The following FBXO3 variants were observed in gnomAD, a reference collection of about 807,000 sequenced individuals.
The protein encoded by FBXO3 is F-box protein 3.
FBXO3 carries 17 observed loss-of-function variants against 64.8 expected under a neutral mutation model. That is an observed-to-expected ratio of 0.26 (90% CI 0.18 to 0.39). The LOEUF is 0.39. Ranked by LOEUF, FBXO3 falls within the 10% of genes least tolerant of loss-of-function variation. The probability of loss-of-function intolerance (pLI) is 1.00; values close to 1 mark genes in which losing one functional copy is unlikely to be tolerated. For synonymous variants in FBXO3, 182 were observed against 201.6 expected (o/e 0.90, Z 0.82); for missense variants, 420 against 589.9 (o/e 0.71, Z 2.98).
rs1855036897 is a variant in FBXO3 at position 33,754,349 on chromosome 11, G to C, written c.724+106C>G. ...GCAAACCTTAAAGAAATCCAAGTAT[G>C]AAATTGCCAGCTGCTAAAGTAGCTG... On this transcript the variant is annotated intron_variant, in intron 6 of 10. Transcript: ENST00000265651. 8.2e-6 allele frequency: 7 copies of C among 852,524 alleles called. No homozygotes were observed. The South Asian group carries it at 1.3e-4, about 16-fold the overall frequency. The allele number at this position is 852,524 out of a possible 1,614,324, so 52.8% of individuals were successfully genotyped here.
At position 33,747,190 on chromosome 11, in the gene FBXO3, A is replaced by G. The variant is rs769799155; in HGVS notation, c.1179T>C (p.Asn393=). The change falls in exon 10 of 11, where the codon AAT becomes AAC. Residue 393 remains asparagine (N), a synonymous_variant. Transcript: ENST00000265651. ...CCATATGGAATCGGGGAATGGCAACATTAAAGATCTTGTCTTTAAAGTAAA... is the reference window on the plus strand; with the variant it reads ...CCATATGGAATCGGGGAATGGCAACGTTAAAGATCTTGTCTTTAAAGTAAA... ...HFLYFKDKIF[N]VAIPRFHMAC... is the part of the protein sequence containing the mutation. 1 of 1,611,020 alleles carries G rather than the reference A, an allele frequency of 6.2e-7. No homozygotes were observed. The highest frequency in any genetic ancestry group is 2.2e-5 in the East Asian group (1 of 44,854).
intron 1 of FBXO3, chr11:33,771,732 G>C (rs2133627532): frequency 6.6e-6 from 1 of 152,304 alleles, no homozygotes; most frequent in Non-Finnish European, 1.5e-5. Flanking sequence ...AGATTTTACA[G>C]AAACATCATC....
chr11:33,759,236 T>G (rs73491051), intron 3 of FBXO3, among the ~76,000 whole-genome samples: 1,590 of 152,086 alleles, frequency 0.01, 36 homozygotes, highest in African/African-American at 0.036. Context: ...GTCACAACGG[T>G]AGGGGAGAGG....
At chr11:33,759,089 T>C (rs1211192096) in intron 3 of FBXO3, among the ~76,000 whole-genome samples, 1 of 152,344 alleles carries the variant, frequency 6.6e-6, no homozygotes, top group South Asian at 2.1e-4. Context: ...TTGCCACATA[T>C]TCTAGCTTTG....
intron 5 of FBXO3, 104 bp from the exon 6 acceptor site, chr11:33,754,604 T>G: frequency 1.0e-6 from 1 of 954,110 alleles, no homozygotes; most frequent in Non-Finnish European, 1.5e-6. Flanking sequence ...CAGATAAAAA[T>G]AAAGTTGAGA....
At chr11:33,764,053 CAT>C (rs1316174607) in intron 3 of FBXO3, among the ~76,000 whole-genome samples, 1 of 152,132 alleles carries the variant, frequency 6.6e-6, no homozygotes, top group South Asian at 2.1e-4. Flanking sequence ...GAAATATACT[CAT>C]AGAGACATCA....
intron 6 of FBXO3, 171 bp downstream of exon 6, chr11:33,754,284 C>A: frequency 9.6e-6 from 5 of 519,098 alleles, no homozygotes. Flanking sequence ...AATACAAAAA[C>A]GGTTCTAATG....
At chr11:33,747,102 A>G (rs56267312) in intron 10 of FBXO3, 28 bp downstream of exon 10, 2 of 1,607,828 alleles carry the variant, frequency 1.2e-6, no homozygotes, top group African/African-American at 1.3e-5. Context: ...AGTCATGTAA[A>G]TCAGCACTAG....
chr11:33,753,137 GTCTC>G (rs1283337242), intron 6 of FBXO3: 1 of 152,182 alleles, frequency 6.6e-6, no homozygotes, highest in Non-Finnish European at 1.5e-5. Flanking sequence ...ATGTGTTGGG[GTCTC>G]TCTGATGGTT....
At chr11:33,751,692 C>T in intron 6 of FBXO3, 85 bp from the exon 7 acceptor site, 1 of 705,736 alleles carries the variant, frequency 1.4e-6, no homozygotes, top group Non-Finnish European at 2.3e-6. Context: ...TTCCTCTATG[C>T]TTTAGAATGT....
At position 33,746,574 on chromosome 11, in the gene FBXO3, A is replaced by T. The variant is rs761858857; in HGVS notation, c.1239+556T>A. The T allele has an allele frequency of 4.5e-6, 3 of 671,356 alleles. 1 individual carries two copies. The South Asian group carries it at 4.8e-5, about 11-fold the overall frequency. 41.6% of individuals were successfully genotyped at this position (671,356 alleles called of 1,614,324 possible). ...ATAATTCATATTTTATCCCCATTGT[A>T]TAACTGGAGCTTCATAACTTTCTTT... On this transcript the variant is annotated intron_variant, in intron 10 of 10. Coordinates refer to ENST00000265651, the MANE Select transcript of FBXO3 (RefSeq NM_012175.4).
At position 33,770,822 on chromosome 11, in the gene FBXO3, T is replaced by A; in HGVS notation, c.113A>T (p.Tyr38Phe). 1 of 1,602,386 alleles carries A rather than the reference T, an allele frequency of 6.2e-7. No homozygotes were observed. The highest frequency in any genetic ancestry group is 1.3e-5 in the African/African-American group (1 of 74,960). Residue 38 changes from tyrosine (Y) to phenylalanine (F), a missense_variant, in exon 2 of 11, where the codon TAT becomes TTT. Coordinates refer to ENST00000265651, the MANE Select transcript of FBXO3 (RefSeq NM_012175.4). ...LDYRDLINCC[Y>F]VSRRLSQLSS... ...TAGCTGGCTAAGTCTTCGACTGACATAACAACAGCTGGCAGTAACCAGATT... is the reference window on the plus strand; with the variant it reads ...TAGCTGGCTAAGTCTTCGACTGACAAAACAACAGCTGGCAGTAACCAGATT...
At chr11:33,757,472 A>AATAAT (rs1482010412) in intron 4 of FBXO3, among the ~76,000 whole-genome samples, 48 of 131,756 alleles carry the variant, frequency 3.6e-4, no homozygotes, top group Middle Eastern at 4.2e-3. Context: ...ATAATAATAA[A>AATAAT]AAAATAAAAA....
intron 3 of FBXO3, among the ~76,000 whole-genome samples, chr11:33,767,843 T>C (rs906836124): frequency 6.6e-6 from 1 of 152,224 alleles, no homozygotes; most frequent in Admixed American, 6.5e-5. Flanking sequence ...AATAGTATTA[T>C]TCGTTTCTTC....
chr11:33,772,627 A>G (rs2133628818), intron 1 of FBXO3: 1 of 152,312 alleles, frequency 6.6e-6, no homozygotes, highest in Non-Finnish European at 1.5e-5. Context: ...GCTCCTTCCG[A>G]TTTGATCACT....
chr11:33,762,758 A>G (rs555075761), intron 3 of FBXO3, among the ~76,000 whole-genome samples: 1 of 151,936 alleles, frequency 6.6e-6, no homozygotes, highest in South Asian at 2.1e-4. Context: ...GTAAATTCAA[A>G]GCGAAGACAT....
chr11:33,773,140 C>T (rs962238867), intron 1 of FBXO3: 1 of 152,108 alleles, frequency 6.6e-6, no homozygotes, highest in African/African-American at 2.4e-5. Flanking sequence ...GCTTTCAATG[C>T]CCCAGAAGTT....
At chr11:33,762,205 TATC>T (rs1267749556) in intron 3 of FBXO3, among the ~76,000 whole-genome samples, 1 of 152,208 alleles carries the variant, frequency 6.6e-6, no homozygotes, top group Non-Finnish European at 1.5e-5. Flanking sequence ...CAATAGATTT[TATC>T]ATACTTCTCT....
Position 33,758,488 on chromosome 11 carries a change from C to A in FBXO3, c.472G>T (p.Gly158Trp). ...TAACCAAAACATTGAATATCTTACC[C>A]AGGAACCACTAACTTCTGTCCATTG... is the stretch of plus-strand genomic sequence containing the variant. ...IHNGQKLVVP[G>W]LLGSMALSNH... is the part of the protein sequence containing the mutation. Residue 158 changes from glycine to tryptophan, a missense_variant and splice_region_variant, in exon 4 of 11, where the codon GGG (glycine) becomes TGG (tryptophan). Gly to Trp is a radical substitution (Grantham distance 184). Coordinates refer to ENST00000265651, the MANE Select transcript of FBXO3 (RefSeq NM_012175.4). 1 of 1,584,582 alleles carries A rather than the reference C, an allele frequency of 6.3e-7. No individual in the cohort carries two copies. The highest frequency in any genetic ancestry group is 1.1e-5 in the South Asian group (1 of 87,836).
Sources: gnomAD v4.1 joint callset for allele counts (sites outside exome capture counted in the v4.1 genomes callset) on GRCh38, gnomAD v4.1.1 for gene constraint, MANE v1.5 for transcripts, NCBI Gene and HGNC (gene_info 2026-07-23, HGNC 2026-07-21) for gene names.